Variants in UST observed in about 807,000 individuals in gnomAD.
UST encodes the protein uronyl 2-sulfotransferase.
Under a neutral mutation model 45.6 loss-of-function variants are expected in UST, and 21 were observed. That is an observed-to-expected ratio of 0.46 (90% CI 0.33 to 0.66). The LOEUF is 0.66. Among genes scored for constraint, UST ranks in the 30% least tolerant of loss-of-function variants. The pLI, the probability that UST is intolerant of heterozygous loss-of-function variation, is 0.02. For missense variants in UST, 463 were observed against 512.4 expected (o/e 0.90, Z 0.93); for synonymous variants, 215 against 200.6 (o/e 1.07, Z -0.61).
intron 5 of UST, among the ~76,000 whole-genome samples, chr6:148,977,081 C>G (rs1220073670): frequency 6.6e-6 from 1 of 151,826 alleles, no homozygotes; most frequent in African/African-American, 2.4e-5. Context: ...TTCCAGATGG[C>G]TAACAAACTA....
intron 2 of UST, among the ~76,000 whole-genome samples, chr6:148,899,161 A>G (rs1050327905): frequency 8.0e-6 from 1 of 125,302 alleles, no homozygotes; most frequent in Non-Finnish European, 1.6e-5. Context: ...GTGCAGTGGC[A>G]GGATCTCGGC....
Position 149,075,385 on chromosome 6 carries a change from C to A in UST, c.*1269C>A, listed in dbSNP as rs1176280872. 1 of 152,092 alleles carries A rather than the reference C, an allele frequency of 6.6e-6. No homozygotes were observed. The highest frequency in any genetic ancestry group is 1.5e-5 in the Non-Finnish European group (1 of 68,020). The allele number at this position is 152,092 out of a possible 1,614,324, so 9.4% of individuals were successfully genotyped here. A position where few individuals can be genotyped will look rare whatever the true frequency, so the allele number is the denominator to read the frequency against. Reference sequence around the variant, plus strand: ...TACCTGAGTTCTGTGCAGGTAGAGTCCCATTTCTTATGGGACCTGTGTGCT... The same window carrying A: ...TACCTGAGTTCTGTGCAGGTAGAGTACCATTTCTTATGGGACCTGTGTGCT... On this transcript the variant is annotated 3_prime_UTR_variant, in exon 8 of 8. Transcript: ENST00000367463.
intron 2 of UST, among the ~76,000 whole-genome samples, chr6:148,900,795 G>A (rs751276211): frequency 2.6e-5 from 4 of 152,198 alleles, no homozygotes; most frequent in Non-Finnish European, 4.4e-5. Context: ...TCTGAAATGG[G>A]TCTCACTGGG....
Position 148,866,509 on chromosome 6 carries a change from T to A in UST, c.248-20477T>A, listed in dbSNP as rs188978532. ...GCGAAAACAACATCCACCTGAAGAT[T>A]GAATGAGAGCACTACCTAGTGAGTT... On this transcript the variant is annotated intron_variant, in intron 1 of 7. Transcript: ENST00000367463. Among the ~76,000 whole-genome samples, 38 of 152,274 alleles carry A rather than the reference T, an allele frequency of 2.5e-4. No individual in the cohort carries two copies. In the East Asian group the frequency reaches 6.2e-3, roughly 25 times the overall value.
chr6:148,796,910 CT>C (rs1262469749), intron 1 of UST, among the ~76,000 whole-genome samples: 1 of 139,264 alleles, frequency 7.2e-6, no homozygotes, highest in Non-Finnish European at 1.5e-5. Flanking sequence ...TCAAGCAATT[CT>C]TCTGCCTCAG....
chr6:148,772,467 C>T (rs895911716), intron 1 of UST, among the ~76,000 whole-genome samples: 23 of 151,204 alleles, frequency 1.5e-4, no homozygotes, highest in Admixed American at 1.1e-3. Context: ...GTGTCACCCA[C>T]GCTGGAGTGC....
At chr6:148,838,378 T>C (rs1777829319) in intron 1 of UST, among the ~76,000 whole-genome samples, 2 of 152,190 alleles carry the variant, frequency 1.3e-5, no homozygotes, top group Non-Finnish European at 2.9e-5. Flanking sequence ...CAGCTAGGAA[T>C]GTGAGGTTTC....
chr6:148,840,900 G>A (rs1462758162), intron 1 of UST, among the ~76,000 whole-genome samples: 1 of 152,126 alleles, frequency 6.6e-6, no homozygotes, highest in African/African-American at 2.4e-5. Context: ...CCCCTTCAGT[G>A]GTCACCCTGG....
intron 1 of UST, among the ~76,000 whole-genome samples, chr6:148,761,520 T>A (rs1393164228): frequency 8.8e-5 from 10 of 114,190 alleles, no homozygotes; most frequent in Non-Finnish European, 1.7e-4. Flanking sequence ...TCCGACAACG[T>A]GCCAAAAAAA....
At position 148,797,064 on chromosome 6, in the gene UST, A is replaced by T. The variant is rs569906624; in HGVS notation, c.247+49387A>T. Among the ~76,000 whole-genome samples the T allele has an allele frequency of 1.6e-4, 24 of 152,106 alleles. No homozygotes were observed. In the South Asian group the frequency reaches 5.0e-3, roughly 32 times the overall value. Reference sequence around the variant, plus strand: ...CACCGGCCACTTCCAAAGTGCTAGGATTATAGGCATGAGCCACCGCGCCCA... The same window carrying T: ...CACCGGCCACTTCCAAAGTGCTAGGTTTATAGGCATGAGCCACCGCGCCCA... On this transcript the variant is annotated intron_variant, in intron 1 of 7. Coordinates refer to ENST00000367463, the MANE Select transcript of UST (RefSeq NM_005715.3).
chr6:148,815,834 T>C (rs187124689), intron 1 of UST, among the ~76,000 whole-genome samples: 7 of 152,292 alleles, frequency 4.6e-5, no homozygotes, highest in African/African-American at 1.7e-4. Flanking sequence ...ACTGAAATTG[T>C]AGAATGGGAG....
At position 148,883,367 on chromosome 6, in the gene UST, C is replaced by T. The variant is rs532959600; in HGVS notation, c.248-3619C>T. On this transcript the variant is annotated intron_variant, in intron 1 of 7. Coordinates refer to ENST00000367463, the MANE Select transcript of UST (RefSeq NM_005715.3). ...AGGTGCTAAGGAGTTAGTAGGTACC[C>T]GAGCTTGGAGTTTGAGGAAGCAATC... Among the ~76,000 whole-genome samples, 5 of 152,280 alleles carry T rather than the reference C, an allele frequency of 3.3e-5. No individual in the cohort carries two copies. The East Asian group carries it at 5.8e-4, about 18-fold the overall frequency.
chr6:149,017,799 T>TAC (rs10533222), intron 5 of UST, among the ~76,000 whole-genome samples: 21,883 of 148,584 alleles, frequency 0.15, 1,732 homozygotes, highest in Non-Finnish European at 0.2. Flanking sequence ...TATCCATATA[T>TAC]ACACACACAC....
At chr6:148,885,367 G>T (rs1382991116) in intron 1 of UST, among the ~76,000 whole-genome samples, 3 of 152,062 alleles carry the variant, frequency 2.0e-5, no homozygotes, top group Non-Finnish European at 2.9e-5. Flanking sequence ...AGTTCTCTAG[G>T]CACAGGCAGC....
intron 2 of UST, among the ~76,000 whole-genome samples, chr6:148,929,620 A>G (rs1779884402): frequency 6.6e-6 from 1 of 152,178 alleles, no homozygotes; most frequent in South Asian, 2.1e-4. Context: ...TTTGTAAGAG[A>G]ATATATTTTC....
At chr6:148,892,233 C>T (rs1779034124) in intron 2 of UST, among the ~76,000 whole-genome samples, 1 of 152,030 alleles carries the variant, frequency 6.6e-6, no homozygotes, top group Non-Finnish European at 1.5e-5. Flanking sequence ...TCTTCAGTGC[C>T]GTCGTGTGAT....
chr6:148,966,711 A>G lies in UST; in HGVS notation c.681+2148A>G, dbSNP rs1780808084. 2.0e-5 allele frequency among the ~76,000 whole-genome samples: 3 copies of G among 152,162 alleles called. No individual in the cohort carries two copies. In the South Asian group the frequency reaches 6.2e-4, roughly 32 times the overall value. ...AAGGTGGCAAATGTGAGGGGAAAAA[A>G]TTATGGTTTGGAGTTTCCATTTGTT... On this transcript the variant is annotated intron_variant, in intron 5 of 7. Coordinates refer to ENST00000367463, the MANE Select transcript of UST (RefSeq NM_005715.3).
rs3734377 is a variant in UST, at chr6:148,964,583, A to G, written c.681+20A>G. 0.37 allele frequency: 591,234 copies of G among 1,610,990 alleles called. 110,201 individuals carry two copies. The highest frequency in any genetic ancestry group is 0.42 in the Middle Eastern group (2,030 of 4,838). Reference sequence around the variant, plus strand: ...TACCTGGTAAGTCCTGTCGCATGCAAAAGGCGGTCTCCCCACTGCCTGAGG... The same window carrying G: ...TACCTGGTAAGTCCTGTCGCATGCAGAAGGCGGTCTCCCCACTGCCTGAGG... On this transcript the variant is annotated intron_variant, in intron 5 of 7. Coordinates refer to ENST00000367463, the MANE Select transcript of UST (RefSeq NM_005715.3).
intron 5 of UST, among the ~76,000 whole-genome samples, chr6:148,989,344 C>A (rs1178987321): frequency 6.6e-6 from 1 of 151,996 alleles, no homozygotes; most frequent in Admixed American, 6.6e-5. Flanking sequence ...TTTGAAGAAG[C>A]TGGCTGAGTT....
Sources: gnomAD v4.1 joint callset for allele counts (sites outside exome capture counted in the v4.1 genomes callset) on GRCh38, gnomAD v4.1.1 for gene constraint, MANE v1.5 for transcripts, NCBI Gene and HGNC (gene_info 2026-07-23, HGNC 2026-07-21) for gene names.